ZNF648: variants seen among roughly 807,000 people sequenced by gnomAD.
ZNF648 encodes the protein zinc finger protein 648.
A neutral mutation model predicts 0.3 loss-of-function variants in ZNF648; 1 was observed. The ratio of observed to expected loss-of-function variants is 3.90; its 90% CI spans 1.39 to 18.51. The LOEUF is 18.51. Among genes scored for constraint, ZNF648 ranks in the 30% most tolerant of loss-of-function variants. The pLI, the probability that ZNF648 is intolerant of heterozygous loss-of-function variation, is 0.11. For missense variants in ZNF648, 874 were observed against 769.7 expected, an observed-to-expected ratio of 1.14 and a Z score of -1.60; for synonymous variants, 376 against 326.8, an observed-to-expected ratio of 1.15 and a Z score of -1.62.
Position 182,057,875 on chromosome 1 carries a change from C to G in ZNF648, c.136G>C (p.Glu46Gln). The change falls in exon 2 of 2, where the codon GAG (glutamate) becomes CAG (glutamine). Residue 46 changes from glutamate to glutamine, a missense_variant. Glu to Gln is a conservative substitution (Grantham distance 29). Coordinates refer to ENST00000339948, the MANE Select transcript of ZNF648 (RefSeq NM_001009992.1). ...DDEDGGEAEK[E>Q]GTADPVACPR... The stretch of plus-strand genomic sequence containing the variant: ...CAGGCCACCGGGTCAGCGGTGCCCT[C>G]TTTTTCGGCCTCCCCACCATCTTCA... The G allele has an allele frequency of 6.2e-7, 1 of 1,614,164 alleles. No homozygotes were observed.
At chr1:182,062,439 GGTCAC>G (rs1240350927), upstream of ZNF648, among the ~76,000 whole-genome samples, 4 of 152,150 alleles carry the variant, frequency 2.6e-5, no homozygotes, top group African/African-American at 9.7e-5. Context: ...GTCACTAGGT[GGTCAC>G]AAAGTATACT....
chr1:182,056,999 G>T lies in ZNF648; in HGVS notation c.1012C>A (p.Pro338Thr). ...THTGEKPYPCPDCGKAFVRSS... is the reference protein window; with the variant it reads ...THTGEKPYPCTDCGKAFVRSS... ...CGCACGAAGGCCTTCCCGCAGTCTG[G>T]ACACGGGTAGGGTTTCTCGCCTGTG... Residue 338 changes from proline (P) to threonine (T), a missense_variant, in exon 2 of 2, where the codon CCA becomes ACA. Physicochemically the swap from Pro to Thr is conservative, Grantham distance 38. Coordinates refer to ENST00000339948, the MANE Select transcript of ZNF648 (RefSeq NM_001009992.1). 1 of 1,613,658 alleles carries T rather than the reference G, an allele frequency of 6.2e-7. No individual in the cohort carries two copies. The highest frequency in any genetic ancestry group is 1.7e-5 in the Admixed American group (1 of 60,022).
At chr1:182,058,284 G>A (rs1436705745) in intron 1 of ZNF648, among the ~76,000 whole-genome samples, 1 of 152,120 alleles carries the variant, frequency 6.6e-6, no homozygotes, top group African/African-American at 2.4e-5. Context: ...ATAAGCCCCA[G>A]GAGACCATGC....
chr1:182,056,241 G>T lies in ZNF648; in HGVS notation c.*63C>A. 6.5e-7 allele frequency: 1 copy of T among 1,538,638 alleles called. No individual in the cohort carries two copies. The highest frequency in any genetic ancestry group is 1.3e-5 in the South Asian group (1 of 79,430). On this transcript the variant is annotated 3_prime_UTR_variant, in exon 2 of 2. Transcript: ENST00000339948. ...GAGGCGAGGCTGACCAGTGAGGCTG[G>T]CAATACCATGTGAGTGGGCCCACCT...
intron 1 of ZNF648, among the ~76,000 whole-genome samples, chr1:182,060,292 C>T (rs1666009851): frequency 6.6e-6 from 1 of 152,246 alleles, no homozygotes; most frequent in Non-Finnish European, 1.5e-5. Flanking sequence ...CTCCTTCTCT[C>T]TACCTCTGCC....
chr1:182,057,199 G>C lies in ZNF648; in HGVS notation c.812C>G (p.Thr271Arg), dbSNP rs1476067237. The change falls in exon 2 of 2, where the codon ACG becomes AGG. Residue 271 changes from threonine (T) to arginine (R), a missense_variant. Thr to Arg is a moderately conservative substitution (Grantham distance 71). Coordinates refer to ENST00000339948, the MANE Select transcript of ZNF648 (RefSeq NM_001009992.1). Reference protein sequence around the residue: ...KPSKPLSPAETRGGAAKRYAC... With the variant: ...KPSKPLSPAERRGGAAKRYAC... Reference sequence around the variant, plus strand: ...GTAGCGCTTGGCGGCGCCGCCGCGCGTCTCCGCGGGGCTCAGCGGCTTGCT... The same window carrying C: ...GTAGCGCTTGGCGGCGCCGCCGCGCCTCTCCGCGGGGCTCAGCGGCTTGCT... 1.3e-6 allele frequency: 2 copies of C among 1,574,094 alleles called. No individual in the cohort carries two copies. Among genetic ancestry groups the C allele is most frequent in the Non-Finnish European group, 1.7e-6 (2 of 1,165,944 alleles).
upstream of ZNF648, chr1:182,064,240 T>C (rs975519770): frequency 1.3e-5 from 2 of 152,216 alleles, no homozygotes; most frequent in Non-Finnish European, 2.9e-5. Context: ...CTGTGAAGAA[T>C]GTCAGTGGTA....
Position 182,056,560 on chromosome 1 carries a change from G to C in ZNF648, c.1451C>G (p.Ala484Gly). ...CTTCAGGGTCGAAGAGCGGGCAAAGGCCTGGCCACACTGCGTGCAAGGAAA... is the reference window on the plus strand; with the variant it reads ...CTTCAGGGTCGAAGAGCGGGCAAAGCCCTGGCCACACTGCGTGCAAGGAAA... The part of the protein sequence containing the change: ...RPFPCTQCGQ[A>G]FARSSTLKRH... The change falls in exon 2 of 2, where the codon GCC becomes GGC. Residue 484 changes from alanine to glycine, a missense_variant. Coordinates refer to ENST00000339948, the MANE Select transcript of ZNF648 (RefSeq NM_001009992.1). 6 of 1,614,124 alleles carry C rather than the reference G, an allele frequency of 3.7e-6. No homozygotes were observed. The highest frequency in any genetic ancestry group is 5.1e-6 in the Non-Finnish European group (6 of 1,180,000).
chr1:182,057,411 G>A lies in ZNF648; in HGVS notation c.600C>T (p.Asp200=), dbSNP rs753948226. 4.3e-6 allele frequency: 7 copies of A among 1,614,038 alleles called. No individual in the cohort carries two copies. In the South Asian group the frequency reaches 6.6e-5, roughly 15 times the overall value. ...GTGTATGTGTCTCTTGCGTGGGAAGGTCCCAGTTGCTCCCCGGCCTGGGGA... is the reference window on the plus strand; with the variant it reads ...GTGTATGTGTCTCTTGCGTGGGAAGATCCCAGTTGCTCCCCGGCCTGGGGA... The part of the protein sequence containing the change: ...LCFPRPGSNW[D]LPTQETHTPA... The change falls in exon 2 of 2, where the codon GAC becomes GAT. Residue 200 remains aspartate (D), a synonymous_variant. Coordinates refer to ENST00000339948, the MANE Select transcript of ZNF648 (RefSeq NM_001009992.1).
At chr1:182,066,053 C>T (rs1489504175), upstream of ZNF648, among the ~76,000 whole-genome samples, 3 of 152,198 alleles carry the variant, frequency 2.0e-5, no homozygotes, top group East Asian at 5.8e-4. Flanking sequence ...TGCCCAGTTC[C>T]TTAAGCATGG....
chr1:182,069,052 T>G, the ZNF648 span: 1 of 42,128 alleles, frequency 2.4e-5, no homozygotes, highest in Non-Finnish European at 5.2e-5. Flanking sequence ...TCCCCCATAT[T>G]CCCTGATCCT....
At position 182,057,102 on chromosome 1, in the gene ZNF648, G is replaced by T; in HGVS notation, c.909C>A (p.Gly303=). The T allele has an allele frequency of 6.2e-7, 1 of 1,610,682 alleles. No homozygotes were observed. Among genetic ancestry groups the T allele is most frequent in the East Asian group, 2.2e-5 (1 of 44,874 alleles). The part of the protein sequence containing the change: ...TLQQHRRLHT[G]ERPYQCSFCD... ...AGAAGGAGCACTGGTAGGGCCGCTC[G>T]CCCGTGTGCAGGCGCCTGTGCTGCT... The change falls in exon 2 of 2, where the codon GGC becomes GGA. Residue 303 remains glycine (G), a synonymous_variant. Coordinates refer to ENST00000339948, the MANE Select transcript of ZNF648 (RefSeq NM_001009992.1).
rs201109717 is a variant in ZNF648 at position 182,057,251 on chromosome 1, G to T, written c.760C>A (p.Arg254=). ...EAEARPYRCL[R]GGRAFQKPSK... The stretch of plus-strand genomic sequence containing the variant: ...GGCTTCTGAAAGGCCCGCCCGCCCC[G>T]CAGGCACCTGTAGGGACGCGCCTCA... The change falls in exon 2 of 2, where the codon CGG becomes AGG. Residue 254 remains arginine, a synonymous_variant. Coordinates refer to ENST00000339948, the MANE Select transcript of ZNF648 (RefSeq NM_001009992.1). 5.7e-4 allele frequency: 901 copies of T among 1,576,336 alleles called. 9 individuals carry two copies. In the African/African-American group the frequency reaches 0.011, roughly 19 times the overall value.
At chr1:182,060,844 C>T (rs759439429) in intron 1 of ZNF648, among the ~76,000 whole-genome samples, 14 of 152,140 alleles carry the variant, frequency 9.2e-5, no homozygotes, top group Admixed American at 2.0e-4. Flanking sequence ...TCCCTCTTTA[C>T]GACAACATAC....
At chr1:182,061,009 G>A (rs1332527701) in intron 1 of ZNF648, among the ~76,000 whole-genome samples, 1 of 152,096 alleles carries the variant, frequency 6.6e-6, no homozygotes, top group Non-Finnish European at 1.5e-5. Flanking sequence ...CCCTCCACTA[G>A]CTAACCAATC....
At chr1:182,063,171 G>A (rs1186324842), upstream of ZNF648, 1 of 152,198 alleles carries the variant, frequency 6.6e-6, no homozygotes, top group East Asian at 1.9e-4. Flanking sequence ...ACATATGCAT[G>A]CATGTATCTT....
chr1:182,058,738 A>G (rs1203950518), intron 1 of ZNF648, among the ~76,000 whole-genome samples: 1 of 152,238 alleles, frequency 6.6e-6, no homozygotes, highest in Non-Finnish European at 1.5e-5. Context: ...ACCCGGGGGC[A>G]GAGGATGCCC....
the ZNF648 span, among the ~76,000 whole-genome samples, chr1:182,067,525 A>C: frequency 3.3e-5 from 5 of 152,194 alleles, no homozygotes; most frequent in African/African-American, 7.2e-5. Context: ...GAGAACCCAG[A>C]GAACCCACCT....
At chr1:182,068,122 A>G in the ZNF648 span, among the ~76,000 whole-genome samples, 1 of 152,238 alleles carries the variant, frequency 6.6e-6, no homozygotes, top group Non-Finnish European at 1.5e-5. Flanking sequence ...GATCTCTTGT[A>G]TCAGTGGGAA....
Sources: allele counts gnomAD v4.1 joint callset (sites outside exome capture counted in the v4.1 genomes callset), GRCh38; gene constraint gnomAD v4.1.1; transcripts MANE v1.5; gene names NCBI Gene and HGNC (gene_info 2026-07-23, HGNC 2026-07-21).